Variants in ADGRL3 observed in about 807,000 individuals in gnomAD.
The protein encoded by ADGRL3 is adhesion G protein-coupled receptor L3.
ADGRL3 carries 62 observed loss-of-function variants against 153.5 expected under a neutral mutation model. That is an observed-to-expected ratio of 0.40 (90% CI 0.33 to 0.50). The LOEUF is 0.50. Ranked by LOEUF, ADGRL3 falls within the 20% of genes least tolerant of loss-of-function variation. The probability of loss-of-function intolerance (pLI) is 0.47; values close to 1 mark genes in which losing one functional copy is unlikely to be tolerated. For missense variants in ADGRL3, 1,641 were observed against 1,859.4 expected (o/e 0.88, Z 2.16); for synonymous variants, 710 against 672.5 (o/e 1.06, Z -0.86).
chr4:61,317,341 T>C (rs2095246379), intron 1 of ADGRL3, among the ~76,000 whole-genome samples: 1 of 152,224 alleles, frequency 6.6e-6, no homozygotes, highest in Admixed American at 6.5e-5. Flanking sequence ...GCAGATTTTT[T>C]GTGGAACCAT....
chr4:61,865,462 G>A (rs1036938943), intron 9 of ADGRL3, among the ~76,000 whole-genome samples: 18 of 152,078 alleles, frequency 1.2e-4, no homozygotes, highest in Admixed American at 7.9e-4. Context: ...CAATAAGGAG[G>A]ATTTCAAGAC....
chr4:62,026,013 C>T (rs1718343026), intron 21 of ADGRL3, among the ~76,000 whole-genome samples: 1 of 152,098 alleles, frequency 6.6e-6, no homozygotes, highest in Middle Eastern at 3.4e-3. Flanking sequence ...ATTATCTAGG[C>T]CAGTAGAATA....
At chr4:61,968,084 A>G (rs540891976) in intron 17 of ADGRL3, among the ~76,000 whole-genome samples, 1 of 152,304 alleles carries the variant, frequency 6.6e-6, no homozygotes, top group Non-Finnish European at 1.5e-5. Flanking sequence ...ATCACCTCTT[A>G]AAGTTCCTAC....
chr4:61,715,303 T>G (rs2096085235), intron 6 of ADGRL3, among the ~76,000 whole-genome samples: 1 of 152,152 alleles, frequency 6.6e-6, no homozygotes, highest in South Asian at 2.1e-4. Flanking sequence ...TTCCTAAGAT[T>G]TATCTTTTAA....
chr4:61,526,476 A>G (rs1345456492), intron 4 of ADGRL3, among the ~76,000 whole-genome samples: 1 of 152,052 alleles, frequency 6.6e-6, no homozygotes, highest in Non-Finnish European at 1.5e-5. Flanking sequence ...GTGAACACAA[A>G]TTGGAAGACT....
In ADGRL3 at chr4:61,388,023, G is replaced by A. The variant is rs140915588; in HGVS notation, c.-174+4834G>A. ...CATGTTCTTCTGCCATGGTTTCAGC[G>A]GGTCCCTCCATTTGGGGTCCCTGAC... is the stretch of plus-strand genomic sequence containing the variant. On this transcript the variant is annotated intron_variant, in intron 2 of 26. Coordinates refer to ENST00000683033, the MANE Select transcript of ADGRL3 (RefSeq NM_001387552.1). 1.3e-3 allele frequency among the ~76,000 whole-genome samples: 196 copies of A among 152,140 alleles called. 1 individual carries two copies. The East Asian group carries it at 0.024, about 19-fold the overall frequency.
At chr4:61,510,418 T>C (rs750805881) in intron 3 of ADGRL3, among the ~76,000 whole-genome samples, 10 of 152,192 alleles carry the variant, frequency 6.6e-5, no homozygotes, top group African/African-American at 2.4e-4. Flanking sequence ...TAATCCCTCT[T>C]GATTTAATTT....
intron 20 of ADGRL3, among the ~76,000 whole-genome samples, chr4:61,996,957 G>A (rs1165279180): frequency 6.6e-6 from 1 of 151,870 alleles, no homozygotes; most frequent in Non-Finnish European, 1.5e-5. Context: ...AATTGCTTAT[G>A]TACTTATAAT....
intron 13 of ADGRL3, among the ~76,000 whole-genome samples, chr4:61,922,943 A>G (rs1330025101): frequency 6.6e-6 from 1 of 152,224 alleles, no homozygotes; most frequent in Admixed American, 6.5e-5. Context: ...ATATGAGTAA[A>G]TATGACCTTT....
chr4:61,277,149 T>G (rs2093502151), intron 1 of ADGRL3, among the ~76,000 whole-genome samples: 1 of 152,134 alleles, frequency 6.6e-6, no homozygotes, highest in African/African-American at 2.4e-5. Context: ...GGGCCAGGCA[T>G]CTAAGTTCAG....
chr4:61,902,585 TC>T (rs1442474118), intron 11 of ADGRL3, among the ~76,000 whole-genome samples: 1 of 152,058 alleles, frequency 6.6e-6, no homozygotes, highest in Non-Finnish European at 1.5e-5. Flanking sequence ...TACTTACTCT[TC>T]TCCTTGCTCA....
intron 5 of ADGRL3, among the ~76,000 whole-genome samples, chr4:61,590,133 C>T (rs911146810): frequency 5.9e-5 from 9 of 152,036 alleles, no homozygotes; most frequent in Non-Finnish European, 1.3e-4. Context: ...ATTATTATCA[C>T]CTACATTTCT....
At chr4:61,790,659 C>T (rs1197784132) in intron 8 of ADGRL3, among the ~76,000 whole-genome samples, 3 of 152,166 alleles carry the variant, frequency 2.0e-5, no homozygotes, top group Admixed American at 1.3e-4. Context: ...TAACTGGAGG[C>T]TAAAAACCAG....
intron 25 of ADGRL3, among the ~76,000 whole-genome samples, chr4:62,067,783 TCTAACATA>T (rs1743784368): frequency 6.6e-6 from 1 of 152,090 alleles, no homozygotes; most frequent in Non-Finnish European, 1.5e-5. Context: ...GCACGTATAC[TCTAACATA>T]CACACACATA....
At chr4:61,850,808 CTATT>C (rs144680202) in intron 9 of ADGRL3, among the ~76,000 whole-genome samples, 24 of 152,010 alleles carry the variant, frequency 1.6e-4, no homozygotes, top group African/African-American at 5.1e-4. Context: ...GGTCAATAGA[CTATT>C]TATATAGTAT....
intron 1 of ADGRL3, among the ~76,000 whole-genome samples, chr4:61,222,054 G>GT (rs1263746947): frequency 2.0e-5 from 3 of 151,802 alleles, no homozygotes; most frequent in Non-Finnish European, 4.4e-5. Context: ...TATGAATTCT[G>GT]TTTTTTTAAT....
At chr4:61,721,736 C>T (rs892761757) in intron 6 of ADGRL3, among the ~76,000 whole-genome samples, 40 of 152,190 alleles carry the variant, frequency 2.6e-4, no homozygotes, top group African/African-American at 9.7e-4. Context: ...GTAAGACATC[C>T]TTTCCTCCCA....
At chr4:61,315,429 A>G (rs1165138567) in intron 1 of ADGRL3, among the ~76,000 whole-genome samples, 1 of 152,226 alleles carries the variant, frequency 6.6e-6, no homozygotes, top group African/African-American at 2.4e-5. Context: ...TAGACTAGCC[A>G]TAAATACCAT....
chr4:61,409,483 A>G (rs987648205), intron 2 of ADGRL3, among the ~76,000 whole-genome samples: 23 of 147,970 alleles, frequency 1.6e-4, no homozygotes, highest in Non-Finnish European at 3.1e-4. Context: ...GATATATTTC[A>G]TTTTTCTTTT....
Sources: gnomAD v4.1 joint callset for allele counts (sites outside exome capture counted in the v4.1 genomes callset) on GRCh38, gnomAD v4.1.1 for gene constraint, MANE v1.5 for transcripts, NCBI Gene and HGNC (gene_info 2026-07-23, HGNC 2026-07-21) for gene names.